Variants in PROS1 observed in about 807,000 individuals in gnomAD.
The protein encoded by PROS1 is vitamin K-dependent protein S.
Under a neutral mutation model 75.9 loss-of-function variants are expected in PROS1, and 29 were observed. The ratio of observed to expected loss-of-function variants is 0.38; its 90% CI spans 0.28 to 0.52. The LOEUF (loss-of-function observed/expected upper bound fraction) is 0.52, where lower values mean the gene tolerates loss of function less well. Among genes scored for constraint, PROS1 ranks in the 20% least tolerant of loss-of-function variants. PROS1 has a pLI of 0.83. For synonymous variants in PROS1, 245 were observed against 280.6 expected, an observed-to-expected ratio of 0.87 and a Z score of 1.27; for missense variants, 680 against 810.3, an observed-to-expected ratio of 0.84 and a Z score of 1.95.
At chr3:93,936,118 C>T (rs1284241966) in intron 1 of PROS1, among the ~76,000 whole-genome samples, 1 of 147,890 alleles carries the variant, frequency 6.8e-6, no homozygotes, top group Non-Finnish European at 1.5e-5. Context: ...GCTCCAAATT[C>T]ATATGTTGAA....
chr3:93,912,998 T>C (rs535800678), intron 3 of PROS1, among the ~76,000 whole-genome samples: 1 of 152,222 alleles, frequency 6.6e-6, no homozygotes. Context: ...AGTCCTGATA[T>C]GGTTTAGCTG....
At chr3:93,946,000 T>A (rs1709388520) in intron 1 of PROS1, among the ~76,000 whole-genome samples, 1 of 152,150 alleles carries the variant, frequency 6.6e-6, no homozygotes, top group Non-Finnish European at 1.5e-5. Context: ...TCACAAGCAT[T>A]TCTATATACC....
At chr3:93,940,018 C>T (rs199742551) in intron 1 of PROS1, among the ~76,000 whole-genome samples, 2,050 of 109,112 alleles carry the variant, frequency 0.019, no homozygotes, top group East Asian at 0.025. Flanking sequence ...AACTTCAAAA[C>T]GCCTAAGCCA....
At chr3:93,928,833 A>G in intron 1 of PROS1, 1 of 839,610 alleles carries the variant, frequency 1.2e-6, no homozygotes, top group Non-Finnish European at 1.7e-6. Flanking sequence ...CATATAAACC[A>G]TCACTACAGA....
intron 1 of PROS1, chr3:93,928,764 T>C (rs1709064462): frequency 1.5e-6 from 2 of 1,292,042 alleles, no homozygotes; most frequent in African/African-American, 3.1e-5. Flanking sequence ...GCATGCACGG[T>C]TGTATATAAA....
intron 3 of PROS1, among the ~76,000 whole-genome samples, chr3:93,911,554 G>A (rs371943193): frequency 5.9e-5 from 9 of 152,290 alleles, no homozygotes; most frequent in Admixed American, 5.9e-4. Flanking sequence ...TGCAGAGTTT[G>A]GTTGGGTTGT....
At chr3:93,881,004 C>A (rs534074870) in intron 12 of PROS1, among the ~76,000 whole-genome samples, 3 of 152,098 alleles carry the variant, frequency 2.0e-5, no homozygotes, top group African/African-American at 7.2e-5. Context: ...AAAGGGAAAT[C>A]ATTTTTGTAA....
Position 93,927,412 on chromosome 3 carries a change from A to C in PROS1, c.77-5T>G. The C allele has an allele frequency of 6.2e-7, 1 of 1,613,804 alleles. No homozygotes were observed. Among genetic ancestry groups the C allele is most frequent in the Non-Finnish European group, 8.5e-7 (1 of 1,179,776 alleles). ...AAGCCTGTTGCTTTGACAAAACTGA[A>C]GGAAACAATCAGTTTATATGAATTA... On this transcript the variant is annotated splice_polypyrimidine_tract_variant and splice_region_variant and intron_variant, in intron 1 of 14. Coordinates refer to ENST00000394236, the MANE Select transcript of PROS1 (RefSeq NM_000313.4).
chr3:93,935,135 G>T (rs1243371756), intron 1 of PROS1, among the ~76,000 whole-genome samples: 1 of 152,162 alleles, frequency 6.6e-6, no homozygotes, highest in African/African-American at 2.4e-5. Flanking sequence ...CTTGGTCAGT[G>T]ATCAATGAAG....
chr3:93,931,815 A>T (rs958079121), intron 1 of PROS1, among the ~76,000 whole-genome samples: 15 of 152,122 alleles, frequency 9.9e-5, no homozygotes, highest in African/African-American at 3.6e-4. Flanking sequence ...GTCTCCCATG[A>T]CTCCCGCTGC....
At chr3:93,891,322 C>T (rs2107147433) in intron 10 of PROS1, among the ~76,000 whole-genome samples, 1 of 152,136 alleles carries the variant, frequency 6.6e-6, no homozygotes, top group Non-Finnish European at 1.5e-5. Context: ...AGCAGTAATC[C>T]CTTCAGAAAA....
intron 1 of PROS1, among the ~76,000 whole-genome samples, chr3:93,927,859 A>ATATATATATATATATGTGTGTATGTG (rs1709043593): frequency 7.2e-6 from 1 of 139,558 alleles, no homozygotes; most frequent in Non-Finnish European, 1.5e-5. Context: ...ACATATATAT[A>ATATATATATATATATGTGTGTATGTG]TATATATATA....
intron 3 of PROS1, among the ~76,000 whole-genome samples, chr3:93,913,530 A>G (rs538953302): frequency 2.6e-5 from 4 of 152,144 alleles, no homozygotes; most frequent in Non-Finnish European, 5.9e-5. Flanking sequence ...CCTCTTTTAC[A>G]TTATAAATTA....
intron 1 of PROS1, among the ~76,000 whole-genome samples, chr3:93,933,865 TG>T (rs1417837530): frequency 6.6e-6 from 1 of 152,046 alleles, no homozygotes; most frequent in Non-Finnish European, 1.5e-5. Context: ...AAAAATTAGC[TG>T]GGCACGGTGG....
chr3:93,942,946 C>A (rs1184053951), intron 1 of PROS1, among the ~76,000 whole-genome samples: 1 of 152,142 alleles, frequency 6.6e-6, no homozygotes, highest in Non-Finnish European at 1.5e-5. Flanking sequence ...AACTGAAATA[C>A]CTCTTGGTCT....
chr3:93,957,475 A>T (rs1020133187), intron 1 of PROS1, among the ~76,000 whole-genome samples: 5 of 152,338 alleles, frequency 3.3e-5, no homozygotes, highest in African/African-American at 1.2e-4. Context: ...TAAGCCAGGG[A>T]AAGTTATACA....
intron 1 of PROS1, among the ~76,000 whole-genome samples, chr3:93,971,355 C>CTAAATAAA (rs62998164): frequency 1.0e-4 from 14 of 136,878 alleles, no homozygotes; most frequent in South Asian, 2.5e-4. Flanking sequence ...GACTCCATCT[C>CTAAATAAA]TAAATAAATA....
chr3:93,899,622 A>G lies in PROS1; in HGVS notation c.728-1053T>C, dbSNP rs530640279. Among the ~76,000 whole-genome samples, 274 of 152,266 alleles carry G rather than the reference A, an allele frequency of 1.8e-3. 1 individual carries two copies. The highest frequency in any genetic ancestry group is 2.7e-3 in the Non-Finnish European group (185 of 68,012). On this transcript the variant is annotated intron_variant, in intron 7 of 14. Coordinates refer to ENST00000394236, the MANE Select transcript of PROS1 (RefSeq NM_000313.4). ...GGAGAAATGTGTTGCGGGGGCTGGC[A>G]GGGGAATATTTTTGGTGATTGCAAA...
intron 1 of PROS1, among the ~76,000 whole-genome samples, chr3:93,946,159 T>C (rs1427383782): frequency 3.3e-5 from 5 of 152,034 alleles, no homozygotes; most frequent in Non-Finnish European, 7.4e-5. Flanking sequence ...TAAAAGAGGA[T>C]ACAAACAAAT....
Sources: gnomAD v4.1 joint callset for allele counts (sites outside exome capture counted in the v4.1 genomes callset) on GRCh38, gnomAD v4.1.1 for gene constraint, MANE v1.5 for transcripts, NCBI Gene and HGNC (gene_info 2026-07-23, HGNC 2026-07-21) for gene names.